CAPZA3: variants seen among roughly 807,000 people sequenced by gnomAD.
CAPZA3 encodes capping actin protein of muscle Z-line subunit alpha 3.
A neutral mutation model predicts 23.6 loss-of-function variants in CAPZA3; 22 were observed. That is an observed-to-expected ratio of 0.93 (90% CI 0.67 to 1.33). The LOEUF is 1.33. Among genes scored for constraint, CAPZA3 ranks in the 40% most tolerant of loss-of-function variants. The pLI, the probability that CAPZA3 is intolerant of heterozygous loss-of-function variation, is 0.00. For synonymous variants in CAPZA3, 142 were observed against 126.5 expected, an observed-to-expected ratio of 1.12 and a Z score of -0.82; for missense variants, 357 against 345.9, an observed-to-expected ratio of 1.03 and a Z score of -0.25.
rs1356137213 is a variant in CAPZA3 at position 18,739,062 on chromosome 12, C to G, written c.794C>G (p.Thr265Ser). The change falls in exon 1 of 1, where the codon ACT (threonine) becomes AGT (serine). Residue 265 changes from threonine to serine, a missense_variant. Transcript: ENST00000317658. ...ILRRDLPVTR[T>S]LIDWHRILSD... Reference sequence around the variant, plus strand: ...CGAAGGGATCTTCCAGTGACCCGCACTCTTATTGACTGGCACAGGATACTC... The same window carrying G: ...CGAAGGGATCTTCCAGTGACCCGCAGTCTTATTGACTGGCACAGGATACTC... 6.2e-7 allele frequency: 1 copy of G among 1,612,322 alleles called. No homozygotes were observed.
rs1274229321 is a variant in CAPZA3 at position 18,738,965 on chromosome 12, G to C, written c.697G>C (p.Glu233Gln). ...LSFARLVEEQ[E>Q]NKFQAAVLEE... Reference sequence around the variant, plus strand: ...TTTTGCAAGGCTTGTGGAAGAGCAAGAGAACAAATTTCAAGCTGCAGTCTT... The same window carrying C: ...TTTTGCAAGGCTTGTGGAAGAGCAACAGAACAAATTTCAAGCTGCAGTCTT... Residue 233 changes from glutamate (E) to glutamine (Q), a missense_variant, in exon 1 of 1, where the codon GAG becomes CAG. Glu to Gln is a conservative substitution (Grantham distance 29, BLOSUM62 2). Coordinates refer to ENST00000317658, the MANE Select transcript of CAPZA3 (RefSeq NM_033328.3). 4.3e-6 allele frequency: 7 copies of C among 1,613,518 alleles called. No individual in the cohort carries two copies. The highest frequency in any genetic ancestry group is 5.9e-6 in the Non-Finnish European group (7 of 1,179,938).
rs780507786 is a variant in CAPZA3 at position 18,738,595 on chromosome 12, C to T, written c.327C>T (p.Ile109=). 25 of 1,613,948 alleles carry T rather than the reference C, an allele frequency of 1.5e-5. No individual in the cohort carries two copies. Among genetic ancestry groups the T allele is most frequent in the Non-Finnish European group, 2.0e-5 (24 of 1,179,992 alleles). The part of the protein sequence containing the change: ...NQLKDIQSHG[I]IQNEAEYLRV... ...TGAAAGACATCCAAAGTCATGGTAT[C>T]ATTCAGAATGAGGCAGAATACCTGA... The change falls in exon 1 of 1, where the codon ATC becomes ATT. Residue 109 remains isoleucine, a synonymous_variant. Coordinates refer to ENST00000317658, the MANE Select transcript of CAPZA3 (RefSeq NM_033328.3).
Position 18,738,577 on chromosome 12 carries a change from C to T in CAPZA3, c.309C>T (p.Asp103=). Residue 103 remains aspartate (D), a synonymous_variant, in exon 1 of 1, where the codon GAC becomes GAT. Coordinates refer to ENST00000317658, the MANE Select transcript of CAPZA3 (RefSeq NM_033328.3). ...KYDLLQNQLK[D]IQSHGIIQNE... is the part of the protein sequence containing the mutation. ...ACCTGCTTCAAAATCAGCTGAAAGACATCCAAAGTCATGGTATCATTCAGA... is the reference window on the plus strand; with the variant it reads ...ACCTGCTTCAAAATCAGCTGAAAGATATCCAAAGTCATGGTATCATTCAGA... 1.2e-6 allele frequency: 2 copies of T among 1,614,124 alleles called. No homozygotes were observed. Among genetic ancestry groups the T allele is most frequent in the Non-Finnish European group, 8.5e-7 (1 of 1,179,998 alleles).
chr12:18,738,868 C>T lies in CAPZA3; in HGVS notation c.600C>T (p.Asn200=). The change falls in exon 1 of 1, where the codon AAC becomes AAT. Residue 200 remains asparagine (N), a synonymous_variant. Coordinates refer to ENST00000317658, the MANE Select transcript of CAPZA3 (RefSeq NM_033328.3). ...AAGCTCACTTCTTCAGGTGTGTCAA[C>T]CTTCATATTGAAATATCCAAGGACC... ...FVQAHFFRCV[N]LHIEISKDLK... 1 of 1,613,968 alleles carries T rather than the reference C, an allele frequency of 6.2e-7. No homozygotes were observed.
Position 18,738,145 on chromosome 12 carries a change from T to C in CAPZA3, c.-124T>C, listed in dbSNP as rs1075421. On this transcript the variant is annotated 5_prime_UTR_variant, in exon 1 of 1. An upstream start codon of the reference 5' UTR is lost. Coordinates refer to ENST00000317658, the MANE Select transcript of CAPZA3 (RefSeq NM_033328.3). ...GACCTTGCCAGACTGCCTGCTTTCA[T>C]GGATAGACATAAAAACCTTCAGCTT... The C allele has an allele frequency of 0.32, 293,648 of 906,878 alleles. 49,505 individuals are homozygous for C. The highest frequency in any genetic ancestry group is 0.56 in the African/African-American group (33,509 of 60,204). The allele number at this position is 906,878 out of a possible 1,614,324, so 56.2% of individuals were successfully genotyped here. A position where few individuals can be genotyped will look rare whatever the true frequency, so the allele number is the denominator to read the frequency against.
chr12:18,738,433 C>G lies in CAPZA3; in HGVS notation c.165C>G (p.His55Gln). 1.2e-6 allele frequency: 2 copies of G among 1,614,142 alleles called. No individual in the cohort carries two copies. Among genetic ancestry groups the G allele is most frequent in the East Asian group, 4.5e-5 (2 of 44,874 alleles). Residue 55 changes from histidine (H) to glutamine (Q), a missense_variant, in exon 1 of 1, where the codon CAC becomes CAG. His to Gln is a conservative substitution (Grantham distance 24). Coordinates refer to ENST00000317658, the MANE Select transcript of CAPZA3 (RefSeq NM_033328.3). ...HHQGECAGHQ[H>Q]CQKYSVPLCI... The stretch of plus-strand genomic sequence containing the variant: ...AAGGTGAGTGTGCAGGCCACCAACA[C>G]TGCCAAAAATATTCTGTACCACTCT...
chr12:18,738,924 C>A lies in CAPZA3; in HGVS notation c.656C>A (p.Ala219Asp). 1.2e-6 allele frequency: 2 copies of A among 1,613,920 alleles called. No homozygotes were observed. Among genetic ancestry groups the A allele is most frequent in the Non-Finnish European group, 1.7e-6 (2 of 1,179,950 alleles). Reference protein sequence around the residue: ...LKESLEIVNQAQLALSFARLV... With the variant: ...LKESLEIVNQDQLALSFARLV... Reference sequence around the variant, plus strand: ...GAAAGCTTGGAAATAGTTAACCAAGCTCAACTGGCTCTAAGTTTTGCAAGG... The same window carrying A: ...GAAAGCTTGGAAATAGTTAACCAAGATCAACTGGCTCTAAGTTTTGCAAGG... The change falls in exon 1 of 1, where the codon GCT becomes GAT. Residue 219 changes from alanine to aspartate, a missense_variant. Coordinates refer to ENST00000317658, the MANE Select transcript of CAPZA3 (RefSeq NM_033328.3).
Position 18,738,495 on chromosome 12 carries a change from A to G in CAPZA3, c.227A>G (p.Asn76Ser), listed in dbSNP as rs765272253. ...AATCCAGTACTCTTGTCTCACCACA[A>G]TGTAATGGGCGACTACCGATTTTTT... ...DGNPVLLSHHNVMGDYRFFDH... is the reference protein window; with the variant it reads ...DGNPVLLSHHSVMGDYRFFDH... The change falls in exon 1 of 1, where the codon AAT becomes AGT. Residue 76 changes from asparagine (N) to serine (S), a missense_variant. By Grantham distance (46) the Asn-to-Ser change is conservative. Transcript: ENST00000317658. 15 of 1,614,006 alleles carry G rather than the reference A, an allele frequency of 9.3e-6. No individual in the cohort carries two copies. The South Asian group carries it at 1.6e-4, about 18-fold the overall frequency.
In CAPZA3 at chr12:18,739,060, C is replaced by A. The variant is rs1423013636; in HGVS notation, c.792C>A (p.Arg264=). 1 of 1,612,272 alleles carries A rather than the reference C, an allele frequency of 6.2e-7. No homozygotes were observed. ...TACGAAGGGATCTTCCAGTGACCCG[C>A]ACTCTTATTGACTGGCACAGGATAC... ...KILRRDLPVT[R]TLIDWHRILS... is the part of the protein sequence containing the mutation. The change falls in exon 1 of 1, where the codon CGC becomes CGA. Residue 264 remains arginine (R), a synonymous_variant. Transcript: ENST00000317658.
Position 18,738,339 on chromosome 12 carries a change from C to G in CAPZA3, c.71C>G (p.Pro24Arg). Residue 24 changes from proline to arginine, a missense_variant, in exon 1 of 1, where the codon CCA (proline) becomes CGA (arginine). Transcript: ENST00000317658. ...CGCAGACTGTTATTACAGGCCCCTC[C>G]AGGGGAATTTGTAAATGCCTTTGAT... The part of the protein sequence containing the change: ...VIRRLLLQAP[P>R]GEFVNAFDDL... 6.2e-7 allele frequency: 1 copy of G among 1,614,008 alleles called. No homozygotes were observed. Among genetic ancestry groups the G allele is most frequent in the Non-Finnish European group, 8.5e-7 (1 of 1,179,910 alleles).
Position 18,739,087 on chromosome 12 carries a change from C to G in CAPZA3, c.819C>G (p.Leu273=), listed in dbSNP as rs1308560051. 2 of 1,612,794 alleles carry G rather than the reference C, an allele frequency of 1.2e-6. No homozygotes were observed. Among genetic ancestry groups the G allele is most frequent in the Non-Finnish European group, 1.7e-6 (2 of 1,179,694 alleles). The change falls in exon 1 of 1, where the codon CTC becomes CTG. Residue 273 remains leucine, a synonymous_variant. Transcript: ENST00000317658. Reference sequence around the variant, plus strand: ...CTCTTATTGACTGGCACAGGATACTCTCTGACTTGAATCTGGTGATGTATC... The same window carrying G: ...CTCTTATTGACTGGCACAGGATACTGTCTGACTTGAATCTGGTGATGTATC... ...TRTLIDWHRI[L]SDLNLVMYPK...
chr12:18,738,599 C>G lies in CAPZA3; in HGVS notation c.331C>G (p.Gln111Glu). The G allele has an allele frequency of 6.2e-7, 1 of 1,613,930 alleles. No individual in the cohort carries two copies. The highest frequency in any genetic ancestry group is 2.2e-5 in the East Asian group (1 of 44,890). ...AGACATCCAAAGTCATGGTATCATT[C>G]AGAATGAGGCAGAATACCTGAGAGT... ...LKDIQSHGII[Q>E]NEAEYLRVVL... Residue 111 changes from glutamine to glutamate, a missense_variant, in exon 1 of 1, where the codon CAG becomes GAG. Coordinates refer to ENST00000317658, the MANE Select transcript of CAPZA3 (RefSeq NM_033328.3).
chr12:18,738,997 A>G lies in CAPZA3; in HGVS notation c.729A>G (p.Glu243=), dbSNP rs769909361. The change falls in exon 1 of 1, where the codon GAA becomes GAG. Residue 243 remains glutamate, a synonymous_variant. Coordinates refer to ENST00000317658, the MANE Select transcript of CAPZA3 (RefSeq NM_033328.3). ...ENKFQAAVLE[E]LQELSNEALR... is the part of the protein sequence containing the mutation. ...AATTTCAAGCTGCAGTCTTGGAAGA[A>G]TTACAGGAGTTATCCAATGAAGCCC... 9.9e-6 allele frequency: 16 copies of G among 1,612,664 alleles called. No homozygotes were observed. In the African/African-American group the frequency reaches 2.1e-4, roughly 22 times the overall value.
rs1959698954 is a variant in CAPZA3 at position 18,738,845 on chromosome 12, G to A, written c.577G>A (p.Ala193Thr). ...TQVTGRIFVQ[A>T]HFFRCVNLHI... is the part of the protein sequence containing the mutation. ...AGTAACGGGAAGAATATTTGTGCAA[G>A]CTCACTTCTTCAGGTGTGTCAACCT... The change falls in exon 1 of 1, where the codon GCT becomes ACT. Residue 193 changes from alanine to threonine, a missense_variant. By Grantham distance (58) the Ala-to-Thr change is moderately conservative. Coordinates refer to ENST00000317658, the MANE Select transcript of CAPZA3 (RefSeq NM_033328.3). 1 of 1,613,886 alleles carries A rather than the reference G, an allele frequency of 6.2e-7. No individual in the cohort carries two copies. Among genetic ancestry groups the A allele is most frequent in the Non-Finnish European group, 8.5e-7 (1 of 1,179,964 alleles).
Position 18,738,925 on chromosome 12 carries a change from T to G in CAPZA3, c.657T>G (p.Ala219=), listed in dbSNP as rs367620204. The change falls in exon 1 of 1, where the codon GCT becomes GCG. Residue 219 remains alanine (A), a synonymous_variant. Transcript: ENST00000317658. ...AAAGCTTGGAAATAGTTAACCAAGC[T>G]CAACTGGCTCTAAGTTTTGCAAGGC... ...LKESLEIVNQ[A]QLALSFARLV... 2 of 1,613,822 alleles carry G rather than the reference T, an allele frequency of 1.2e-6. No individual in the cohort carries two copies. Among genetic ancestry groups the G allele is most frequent in the African/African-American group, 1.3e-5 (1 of 74,904 alleles).
Position 18,738,482 on chromosome 12 carries a change from T to C in CAPZA3, c.214T>C (p.Leu72=), listed in dbSNP as rs1959665515. The C allele has an allele frequency of 6.2e-7, 1 of 1,614,114 alleles. No individual in the cohort carries two copies. Among genetic ancestry groups the C allele is most frequent in the Non-Finnish European group, 8.5e-7 (1 of 1,179,994 alleles). Residue 72 remains leucine (L), a synonymous_variant, in exon 1 of 1, where the codon TTG becomes CTG. Transcript: ENST00000317658. Reference sequence around the variant, plus strand: ...CTGCATCGATGGAAATCCAGTACTCTTGTCTCACCACAATGTAATGGGCGA... The same window carrying C: ...CTGCATCGATGGAAATCCAGTACTCCTGTCTCACCACAATGTAATGGGCGA... ...PLCIDGNPVL[L]SHHNVMGDYR...
In CAPZA3 at chr12:18,738,657, A is replaced by G; in HGVS notation, c.389A>G (p.Asn130Ser). The change falls in exon 1 of 1, where the codon AAT becomes AGT. Residue 130 changes from asparagine to serine, a missense_variant. Asn to Ser is a conservative substitution (Grantham distance 46). Transcript: ENST00000317658. ...VLLCALKLYVNDHYPKGNCNM... is the reference protein window; with the variant it reads ...VLLCALKLYVSDHYPKGNCNM... ...CTGTGCGCCTTAAAACTGTATGTGA[A>G]TGACCACTATCCAAAAGGAAATTGC... The G allele has an allele frequency of 6.2e-7, 1 of 1,614,124 alleles. No homozygotes were observed. Among genetic ancestry groups the G allele is most frequent in the Non-Finnish European group, 8.5e-7 (1 of 1,179,984 alleles).
In CAPZA3 at chr12:18,739,096, G is replaced by C. The variant is rs148768083; in HGVS notation, c.828G>C (p.Leu276Phe). ...ACTGGCACAGGATACTCTCTGACTT[G>C]AATCTGGTGATGTATCCTAAATTAG... ...LIDWHRILSDLNLVMYPKLGY... is the reference protein window; with the variant it reads ...LIDWHRILSDFNLVMYPKLGY... Residue 276 changes from leucine to phenylalanine, a missense_variant, in exon 1 of 1, where the codon TTG becomes TTC. Coordinates refer to ENST00000317658, the MANE Select transcript of CAPZA3 (RefSeq NM_033328.3). 1 of 1,612,852 alleles carries C rather than the reference G, an allele frequency of 6.2e-7. No individual in the cohort carries two copies. The highest frequency in any genetic ancestry group is 1.6e-4 in the Middle Eastern group (1 of 6,062).
At position 18,738,885 on chromosome 12, in the gene CAPZA3, C is replaced by A; in HGVS notation, c.617C>A (p.Ser206Tyr). ...TGTGTCAACCTTCATATTGAAATATCCAAGGACCTGAAAGAAAGCTTGGAA... is the reference window on the plus strand; with the variant it reads ...TGTGTCAACCTTCATATTGAAATATACAAGGACCTGAAAGAAAGCTTGGAA... ...FRCVNLHIEI[S>Y]KDLKESLEIV... Residue 206 changes from serine (S) to tyrosine (Y), a missense_variant, in exon 1 of 1, where the codon TCC becomes TAC. Coordinates refer to ENST00000317658, the MANE Select transcript of CAPZA3 (RefSeq NM_033328.3). 6.2e-7 allele frequency: 1 copy of A among 1,613,964 alleles called. No homozygotes were observed. Among genetic ancestry groups the A allele is most frequent in the Middle Eastern group, 1.6e-4 (1 of 6,062 alleles).
Sources: gnomAD v4.1 joint callset for allele counts on GRCh38, gnomAD v4.1.1 for gene constraint, MANE v1.5 for transcripts, NCBI Gene and HGNC (gene_info 2026-07-23, HGNC 2026-07-21) for gene names.